The following ASRGL1 variants were observed in gnomAD, a reference collection of about 807,000 sequenced individuals.
ASRGL1 encodes the protein asparaginase and isoaspartyl peptidase 1.
A neutral mutation model predicts 22.4 loss-of-function variants in ASRGL1; 16 were observed. The observed-to-expected ratio is 0.71, with a 90% CI of 0.48 to 1.08. The LOEUF (loss-of-function observed/expected upper bound fraction) is 1.08. ASRGL1 is among the 50% of genes least tolerant of loss of function. The pLI, the probability that ASRGL1 is intolerant of heterozygous loss-of-function variation, is 0.00. For synonymous variants in ASRGL1, 165 were observed against 159.3 expected, an observed-to-expected ratio of 1.04 and a Z score of -0.27; for missense variants, 412 against 410.1, an observed-to-expected ratio of 1.00 and a Z score of -0.04.
chr11:62,386,451 TGTACATATC>T (rs1447187351), intron 4 of ASRGL1, among the ~76,000 whole-genome samples: 1 of 151,810 alleles, frequency 6.6e-6, no homozygotes, highest in Non-Finnish European at 1.5e-5. Flanking sequence ...ATCATAGATA[TGTACATATC>T]ATACATATCA....
intron 2 of ASRGL1, among the ~76,000 whole-genome samples, chr11:62,352,929 A>G (rs1010937532): frequency 6.6e-6 from 1 of 152,156 alleles, no homozygotes. Flanking sequence ...AGTCCTATTT[A>G]GGGCTTGCTC....
chr11:62,383,555 A>G (rs1424078421), intron 4 of ASRGL1, among the ~76,000 whole-genome samples: 1 of 129,718 alleles, frequency 7.7e-6, no homozygotes, highest in African/African-American at 3.0e-5. Flanking sequence ...GTGAGCCGAG[A>G]TCCCGCCACT....
intron 2 of ASRGL1, among the ~76,000 whole-genome samples, chr11:62,353,278 A>G (rs1032160351): frequency 7.0e-6 from 1 of 142,122 alleles, no homozygotes; most frequent in Non-Finnish European, 1.5e-5. Flanking sequence ...TACATCTTAT[A>G]TTTCTTTGCT....
intron 4 of ASRGL1, 155 bp downstream of exon 4, chr11:62,357,299 G>A: frequency 1.1e-6 from 1 of 899,676 alleles, no homozygotes; most frequent in Non-Finnish European, 1.6e-6. Flanking sequence ...GCCCAGACTG[G>A]AGTACAGTGG....
chr11:62,352,210 G>C (rs1027259706), intron 2 of ASRGL1, among the ~76,000 whole-genome samples: 1 of 152,172 alleles, frequency 6.6e-6, no homozygotes, highest in Non-Finnish European at 1.5e-5. Flanking sequence ...ACACCAGAGA[G>C]CTTGCCCACT....
chr11:62,362,636 T>TA (rs1946489379), intron 4 of ASRGL1, among the ~76,000 whole-genome samples: 5 of 48,190 alleles, frequency 1.0e-4, no homozygotes, highest in African/African-American at 3.8e-4. Context: ...ATAAAATATA[T>TA]ATAATATATA....
chr11:62,398,126 C>T (rs773278536), downstream of ASRGL1, among the ~76,000 whole-genome samples: 6 of 151,982 alleles, frequency 3.9e-5, no homozygotes, highest in Non-Finnish European at 7.4e-5. Context: ...AGCCATGCAG[C>T]GCTGGCCTGT....
intron 4 of ASRGL1, among the ~76,000 whole-genome samples, chr11:62,357,451 G>A (rs111873292): frequency 2.7e-5 from 4 of 147,638 alleles, no homozygotes; most frequent in Non-Finnish European, 4.5e-5. Flanking sequence ...TAGTAGAGGC[G>A]GGGTTTCGCC....
intron 5 of ASRGL1, among the ~76,000 whole-genome samples, chr11:62,390,315 C>T (rs932845811): frequency 6.6e-6 from 1 of 152,262 alleles, no homozygotes; most frequent in African/African-American, 2.4e-5. Flanking sequence ...ACCAGGTGTG[C>T]TCTGCCTGGC....
At chr11:62,379,085 ATGAAGTAATCATTGGT>A (rs1244907360) in intron 4 of ASRGL1, among the ~76,000 whole-genome samples, 2 of 152,186 alleles carry the variant, frequency 1.3e-5, no homozygotes, top group East Asian at 1.9e-4. Context: ...AACCCCACAG[ATGAAGTAATCATTGGT>A]TGAAGTAATC....
rs1565148917 is a variant in ASRGL1, at chr11:62,337,945, C to T, written c.-33C>T. The T allele has an allele frequency of 6.4e-7, 1 of 1,564,698 alleles. No individual in the cohort carries two copies. The highest frequency in any genetic ancestry group is 8.7e-7 in the Non-Finnish European group (1 of 1,155,448). ...TTCCTTGGGCTGGCTTTGGACGACGCTTTCGCCTTCCTGCTGCCTAGGATC... is the reference window on the plus strand; with the variant it reads ...TTCCTTGGGCTGGCTTTGGACGACGTTTTCGCCTTCCTGCTGCCTAGGATC... On this transcript the variant is annotated 5_prime_UTR_variant, in exon 2 of 7. Transcript: ENST00000415229.
intron 2 of ASRGL1, among the ~76,000 whole-genome samples, chr11:62,345,797 CAG>C (rs1946003443): frequency 6.6e-6 from 1 of 152,198 alleles, no homozygotes; most frequent in African/African-American, 2.4e-5. Context: ...TCATGGAAGA[CAG>C]TGTTTCCACA....
At chr11:62,390,296 G>A (rs1947307885) in intron 5 of ASRGL1, among the ~76,000 whole-genome samples, 1 of 152,252 alleles carries the variant, frequency 6.6e-6, no homozygotes, top group African/African-American at 2.4e-5. Context: ...TCTCTGTCCA[G>A]CTGTGAGCAC....
intron 4 of ASRGL1, among the ~76,000 whole-genome samples, chr11:62,365,427 G>A (rs374445898): frequency 1.1e-4 from 16 of 151,884 alleles, no homozygotes; most frequent in East Asian, 3.9e-4. Flanking sequence ...GGTGGTGGGC[G>A]CCTGTAATCC....
intron 5 of ASRGL1, chr11:62,389,544 G>C: frequency 2.3e-6 from 1 of 431,756 alleles, no homozygotes; most frequent in South Asian, 2.0e-5. Context: ...CTACCCTGTC[G>C]TGATTCTGTC....
chr11:62,386,329 T>C (rs911896408), intron 4 of ASRGL1, among the ~76,000 whole-genome samples: 2 of 152,148 alleles, frequency 1.3e-5, no homozygotes, highest in Non-Finnish European at 1.5e-5. Flanking sequence ...TGCGGTCTGA[T>C]GTTTTGAGAA....
At chr11:62,373,849 TAAA>T (rs1424629410) in intron 4 of ASRGL1, among the ~76,000 whole-genome samples, 1 of 152,216 alleles carries the variant, frequency 6.6e-6, no homozygotes, top group Non-Finnish European at 1.5e-5. Context: ...CTTTAGCTGT[TAAA>T]GAAGTCCAAA....
At chr11:62,381,569 T>C (rs2134683083) in intron 4 of ASRGL1, among the ~76,000 whole-genome samples, 1 of 152,288 alleles carries the variant, frequency 6.6e-6, no homozygotes, top group South Asian at 2.1e-4. Context: ...GTAAGTGGGA[T>C]GATTTTACCC....
chr11:62,352,650 T>TGA (rs1946195047), intron 2 of ASRGL1, among the ~76,000 whole-genome samples: 1 of 152,150 alleles, frequency 6.6e-6, no homozygotes, highest in Non-Finnish European at 1.5e-5. Flanking sequence ...TAATACAATC[T>TGA]GAGAGTATCT....
Sources: gnomAD v4.1 joint callset for allele counts (sites outside exome capture counted in the v4.1 genomes callset) on GRCh38, gnomAD v4.1.1 for gene constraint, MANE v1.5 for transcripts, NCBI Gene and HGNC (gene_info 2026-07-23, HGNC 2026-07-21) for gene names.